The following ZEB2 variants were observed in gnomAD, a reference collection of about 807,000 sequenced individuals.
The protein encoded by ZEB2 is zinc finger E-box binding homeobox 2.
Under a neutral mutation model 99.9 loss-of-function variants are expected in ZEB2, and 6 were observed. The observed-to-expected ratio is 0.06, with a 90% CI of 0.03 to 0.12. The LOEUF is 0.12. Among genes scored for constraint, ZEB2 ranks in the 10% least tolerant of loss-of-function variants. The pLI, the probability that ZEB2 is intolerant of heterozygous loss-of-function variation, is 1.00. For synonymous variants in ZEB2, 517 were observed against 542.5 expected (o/e 0.95, Z 0.65); for missense variants, 969 against 1,502.8 (o/e 0.64, Z 5.87).
chr2:144,418,225 T>C, intron 4 of ZEB2, among the ~76,000 whole-genome samples: 1 of 152,322 alleles, frequency 6.6e-6, no homozygotes, highest in South Asian at 2.1e-4. Flanking sequence ...TCTGTGTAGT[T>C]TTCCAGAATG....
intron 2 of ZEB2, chr2:144,497,741 C>T (rs1227261965): frequency 1.2e-5 from 2 of 162,744 alleles, no homozygotes; most frequent in African/African-American, 2.6e-5. Context: ...GTAGTCCAGG[C>T]CTTTTCTGAC....
Position 144,520,040 on chromosome 2 carries a change from C to T in ZEB2, c.-171G>A, listed in dbSNP as rs1471270447. On this transcript the variant is annotated 5_prime_UTR_variant, in exon 1 of 10. Coordinates refer to ENST00000627532, the MANE Select transcript of ZEB2 (RefSeq NM_014795.4). Reference sequence around the variant, plus strand: ...GAAAAAGGTGGAAGCGAAGAAACAGCTCCCGGAGCAAACTGTACAAAAACC... The same window carrying T: ...GAAAAAGGTGGAAGCGAAGAAACAGTTCCCGGAGCAAACTGTACAAAAACC... 4.4e-6 allele frequency: 2 copies of T among 454,526 alleles called. No individual in the cohort carries two copies. The highest frequency in any genetic ancestry group is 1.6e-5 in the South Asian group (1 of 64,464). The allele number at this position is 454,526 out of a possible 1,614,324, so 28.2% of individuals were successfully genotyped here.
chr2:144,517,555 G>GGCCCCCC, intron 1 of ZEB2, 136 bp from the exon 2 acceptor site: 1 of 676,200 alleles, frequency 1.5e-6, no homozygotes. Context: ...AACTTCGGCG[G>GGCCCCCC]CCCCCTCCCC....
At position 144,494,603 on chromosome 2, in the gene ZEB2, C is replaced by T. The variant is rs949902525; in HGVS notation, c.73+22675G>A. 2.6e-5 allele frequency: 4 copies of T among 152,116 alleles called. No individual in the cohort carries two copies. The South Asian group carries it at 8.3e-4, about 31-fold the overall frequency. The allele number at this position is 152,116 out of a possible 1,614,324, so 9.4% of individuals were successfully genotyped here. A position where few individuals can be genotyped will look rare whatever the true frequency, so the allele number is the denominator to read the frequency against. ...GCAGCTGTAATTTTTTTTAAGGCTACTGTTCCTTTAATGCCCAGCTGGTTC... is the reference window on the plus strand; with the variant it reads ...GCAGCTGTAATTTTTTTTAAGGCTATTGTTCCTTTAATGCCCAGCTGGTTC... On this transcript the variant is annotated intron_variant, in intron 2 of 9. Transcript: ENST00000627532.
intron 2 of ZEB2, among the ~76,000 whole-genome samples, chr2:144,434,760 T>C (rs1409185153): frequency 6.6e-6 from 1 of 152,146 alleles, no homozygotes; most frequent in African/African-American, 2.4e-5. Context: ...ATTACCAGAA[T>C]CTAACAATAC....
chr2:144,435,350 G>A (rs993607315), intron 2 of ZEB2, among the ~76,000 whole-genome samples: 2 of 152,004 alleles, frequency 1.3e-5, no homozygotes, highest in African/African-American at 4.8e-5. Context: ...GCTCACACCT[G>A]TAATCCCAAC....
At chr2:144,495,426 G>A (rs150972877) in intron 2 of ZEB2, 61 of 152,286 alleles carry the variant, frequency 4.0e-4, no homozygotes, top group African/African-American at 1.4e-3. Context: ...GGAGGGAAAC[G>A]CCTCAGTGAA....
chr2:144,398,990 C>G lies in ZEB2; in HGVS notation c.2197G>C (p.Val733Leu). 1 of 1,614,170 alleles carries G rather than the reference C, an allele frequency of 6.2e-7. No individual in the cohort carries two copies. The highest frequency in any genetic ancestry group is 8.5e-7 in the Non-Finnish European group (1 of 1,180,032). The part of the protein sequence containing the change: ...TKDSLLPRSP[V>L]KPMDSITSPS... ...GATGTTATGGAGTCCATAGGTTTTA[C>G]AGGAGACCTGGGTAATAAAGAGTCT... Residue 733 changes from valine (V) to leucine (L), a missense_variant, in exon 8 of 10, where the codon GTA becomes CTA. Val to Leu is a conservative substitution (Grantham distance 32). This residue lies in a region of ZEB2 where 346 missense variants were observed against 460.0 expected (regional missense o/e 0.75). Transcript: ENST00000627532.
At chr2:144,512,381 G>A (rs1465888442) in intron 2 of ZEB2, 1 of 1,287,214 alleles carries the variant, frequency 7.8e-7, no homozygotes, top group Non-Finnish European at 1.0e-6. Flanking sequence ...CTAGAGGCTA[G>A]CAACGCCCTC....
In ZEB2 at chr2:144,517,381, T is replaced by G. The variant is rs371914681; in HGVS notation, c.-31A>C. On this transcript the variant is annotated 5_prime_UTR_variant, in exon 2 of 10. It removes an upstream start codon present in the reference 5' UTR. Transcript: ENST00000627532. ...AGAGCGGATCAGATGGCAGTTCGCA[T>G]GGACTCGGCGCCCTGCTTCGGCAGC... The G allele has an allele frequency of 1.9e-6, 3 of 1,612,814 alleles. No individual in the cohort carries two copies. The highest frequency in any genetic ancestry group is 2.7e-5 in the African/African-American group (2 of 74,868).
chr2:144,494,311 C>T (rs892857312), intron 2 of ZEB2: 3 of 152,232 alleles, frequency 2.0e-5, no homozygotes, highest in Admixed American at 6.5e-5. Context: ...TGTTGAAAAG[C>T]ACAATGCAAA....
intron 2 of ZEB2, among the ~76,000 whole-genome samples, chr2:144,477,508 G>A (rs1311330483): frequency 6.6e-6 from 1 of 152,212 alleles, no homozygotes; most frequent in Non-Finnish European, 1.5e-5. Flanking sequence ...CCACGAAGTT[G>A]GAAAGGAAAA....
chr2:144,500,347 T>C (rs1050407006), intron 2 of ZEB2, among the ~76,000 whole-genome samples: 4 of 152,264 alleles, frequency 2.6e-5, no homozygotes, highest in African/African-American at 9.6e-5. Flanking sequence ...TTTGTTTCCC[T>C]GGTATGTTGA....
At chr2:144,485,642 C>T (rs1411461381) in intron 2 of ZEB2, among the ~76,000 whole-genome samples, 1 of 152,024 alleles carries the variant, frequency 6.6e-6, no homozygotes, top group Non-Finnish European at 1.5e-5. Context: ...ATTTTTGCAT[C>T]AGAGTCTCAC....
At chr2:144,490,108 A>T (rs890313961) in intron 2 of ZEB2, among the ~76,000 whole-genome samples, 2 of 152,164 alleles carry the variant, frequency 1.3e-5, no homozygotes, top group Non-Finnish European at 2.9e-5. Context: ...TATTCTAATT[A>T]AACACCTAGT....
chr2:144,436,577 C>T (rs1703840304), intron 2 of ZEB2, among the ~76,000 whole-genome samples: 1 of 152,170 alleles, frequency 6.6e-6, no homozygotes, highest in African/African-American at 2.4e-5. Flanking sequence ...AAGATGGCAG[C>T]CACTCATTCC....
Position 144,405,000 on chromosome 2 carries a change from T to G in ZEB2, c.428A>C (p.Asp143Ala). 6.2e-7 allele frequency: 1 copy of G among 1,614,128 alleles called. No individual in the cohort carries two copies. Among genetic ancestry groups the G allele is most frequent in the Non-Finnish European group, 8.5e-7 (1 of 1,180,044 alleles). ...TCTTTTGGCAAAGTATTCCTCAAAA[T>G]CTGATGTGCAATTTGCATTCTTCAC... Reference protein sequence around the residue: ...GTVKNANCTSDFEEYFAKRKL... With the variant: ...GTVKNANCTSAFEEYFAKRKL... Residue 143 changes from aspartate to alanine, a missense_variant, in exon 5 of 10, where the codon GAT becomes GCT. Physicochemically the swap from Asp to Ala is moderately radical, Grantham distance 126. Coordinates refer to ENST00000627532, the MANE Select transcript of ZEB2 (RefSeq NM_014795.4).
chr2:144,402,711 CT>C (rs954893873), intron 6 of ZEB2, among the ~76,000 whole-genome samples: 4 of 151,740 alleles, frequency 2.6e-5, no homozygotes, highest in East Asian at 3.9e-4. Context: ...TATCTAGGCA[CT>C]TTTTTTTTCC....
chr2:144,518,774 T>C (rs1705213600), intron 1 of ZEB2: 1 of 152,224 alleles, frequency 6.6e-6, no homozygotes. Flanking sequence ...AATAAAGAAA[T>C]GGTCACACAA....
Sources: gnomAD v4.1 joint callset for allele counts (sites outside exome capture counted in the v4.1 genomes callset) on GRCh38, gnomAD v4.1.1 for gene constraint, gnomAD v4.1.1 regional missense constraint, MANE v1.5 for transcripts, NCBI Gene and HGNC (gene_info 2026-07-23, HGNC 2026-07-21) for gene names.